The following PLD5 variants were observed in gnomAD, a reference collection of about 807,000 sequenced individuals.
PLD5 encodes inactive phospholipase D5.
In PLD5, 36 loss-of-function variants were observed where a neutral mutation model predicts 61.1. That is an observed-to-expected ratio of 0.59 (90% CI 0.45 to 0.78). The LOEUF is 0.78. Ranked by LOEUF, PLD5 falls within the 30% of genes least tolerant of loss-of-function variation. The pLI, the probability that PLD5 is intolerant of heterozygous loss-of-function variation, is 0.00. For synonymous variants in PLD5, 243 were observed against 242.8 expected (o/e 1.00, Z -0.01); for missense variants, 515 against 644.4 (o/e 0.80, Z 2.17).
intron 1 of PLD5, among the ~76,000 whole-genome samples, chr1:242,481,917 G>A (rs531038879): frequency 6.6e-6 from 1 of 152,280 alleles, no homozygotes; most frequent in African/African-American, 2.4e-5. Context: ...CCACTGTTCT[G>A]CAGCCTCCAC....
intron 4 of PLD5, among the ~76,000 whole-genome samples, chr1:242,232,254 C>T (rs138634082): frequency 6.6e-5 from 10 of 152,078 alleles, no homozygotes; most frequent in African/African-American, 1.7e-4. Context: ...AAATAACATA[C>T]GAAGATTAAC....
intron 6 of PLD5, among the ~76,000 whole-genome samples, chr1:242,114,469 T>A (rs1324566074): frequency 1.3e-5 from 2 of 152,234 alleles, no homozygotes; most frequent in Non-Finnish European, 2.9e-5. Flanking sequence ...AATATATTAT[T>A]GTTAAGTATA....
At chr1:242,397,156 A>G in intron 1 of PLD5, among the ~76,000 whole-genome samples, 1 of 151,926 alleles carries the variant, frequency 6.6e-6, no homozygotes, top group East Asian at 1.9e-4. Context: ...AACCCTGACA[A>G]TTTTGACATT....
chr1:242,344,792 A>G (rs1208970045), intron 2 of PLD5, among the ~76,000 whole-genome samples: 4 of 151,970 alleles, frequency 2.6e-5, no homozygotes, highest in Non-Finnish European at 5.9e-5. Context: ...CCTCTCTGAC[A>G]TCCCCATTTT....
intron 1 of PLD5, among the ~76,000 whole-genome samples, chr1:242,453,157 A>G (rs1666841655): frequency 6.6e-6 from 1 of 152,152 alleles, no homozygotes; most frequent in Admixed American, 6.5e-5. Context: ...AGCCCTCATG[A>G]ACGGGATTAG....
At chr1:242,429,538 C>T (rs1665609002) in intron 1 of PLD5, among the ~76,000 whole-genome samples, 2 of 152,224 alleles carry the variant, frequency 1.3e-5, no homozygotes, top group South Asian at 4.1e-4. Flanking sequence ...TGAGCCACAA[C>T]ACCCGGGCTT....
chr1:242,088,140 A>G lies in PLD5; in HGVS notation c.*1714T>C, dbSNP rs1290190374. On this transcript the variant is annotated 3_prime_UTR_variant, in exon 10 of 10. Transcript: ENST00000536534. Reference sequence around the variant, plus strand: ...ATCAAGTCTCCAGAAATGAAAAAGAATAACTGAGTGTTTCCTTGCTCTGAA... The same window carrying G: ...ATCAAGTCTCCAGAAATGAAAAAGAGTAACTGAGTGTTTCCTTGCTCTGAA... 1 of 152,220 alleles carries G rather than the reference A, an allele frequency of 6.6e-6. No homozygotes were observed. The highest frequency in any genetic ancestry group is 1.5e-5 in the Non-Finnish European group (1 of 68,038). 9.4% of individuals were successfully genotyped at this position (152,220 alleles called of 1,614,324 possible). A position where few individuals can be genotyped will look rare whatever the true frequency, so the allele number is the denominator to read the frequency against.
intron 5 of PLD5, among the ~76,000 whole-genome samples, chr1:242,154,521 A>G (rs77574506): frequency 6.6e-6 from 1 of 152,170 alleles, no homozygotes; most frequent in Non-Finnish European, 1.5e-5. Context: ...CTTTCCGTCA[A>G]TACCCAGTTT....
At chr1:242,489,267 G>T (rs1668062191) in intron 1 of PLD5, among the ~76,000 whole-genome samples, 1 of 152,018 alleles carries the variant, frequency 6.6e-6, no homozygotes. Context: ...GGTGATGGAG[G>T]CATTATATAT....
intron 6 of PLD5, among the ~76,000 whole-genome samples, chr1:242,115,686 T>C (rs1299610465): frequency 6.8e-6 from 1 of 147,898 alleles, no homozygotes. Flanking sequence ...AGTTTTTTTC[T>C]TTTCTCCAAA....
chr1:242,239,094 T>C (rs1671826831), intron 4 of PLD5, among the ~76,000 whole-genome samples: 1 of 152,202 alleles, frequency 6.6e-6, no homozygotes, highest in African/African-American at 2.4e-5. Context: ...CATCTTTCTT[T>C]GTACTGTAGT....
chr1:242,184,002 G>A (rs1401201604), intron 5 of PLD5, among the ~76,000 whole-genome samples: 1 of 152,154 alleles, frequency 6.6e-6, no homozygotes, highest in African/African-American at 2.4e-5. Context: ...CAACTTTGTA[G>A]CTGTTTGAAA....
chr1:242,324,962 C>T (rs1377535502), intron 2 of PLD5, among the ~76,000 whole-genome samples: 21 of 152,174 alleles, frequency 1.4e-4, no homozygotes, highest in Admixed American at 5.2e-4. Flanking sequence ...TTTCAACAAC[C>T]GTAGCCTCTG....
chr1:242,210,920 C>G (rs1284799927), intron 5 of PLD5: 1 of 152,170 alleles, frequency 6.6e-6, no homozygotes, highest in African/African-American at 2.4e-5. Context: ...AGGCCCTTAC[C>G]CTCTTATACT....
chr1:242,520,843 G>T (rs1669257294), intron 1 of PLD5, among the ~76,000 whole-genome samples: 1 of 152,180 alleles, frequency 6.6e-6, no homozygotes, highest in Non-Finnish European at 1.5e-5. Flanking sequence ...AGAGGGTTTG[G>T]AAGTAGTCCC....
At chr1:242,365,923 A>T (rs563482976) in intron 1 of PLD5, 1 of 152,414 alleles carries the variant, frequency 6.6e-6, no homozygotes, top group East Asian at 1.9e-4. Context: ...CCTTATATCA[A>T]TTAAAGTAAA....
intron 5 of PLD5, among the ~76,000 whole-genome samples, chr1:242,171,441 C>A (rs180869654): frequency 1.3e-3 from 197 of 152,128 alleles, no homozygotes; most frequent in African/African-American, 4.2e-3. Flanking sequence ...AAAAACATAC[C>A]AAATTGTAAA....
At chr1:242,325,614 T>A (rs1318946898) in intron 2 of PLD5, among the ~76,000 whole-genome samples, 3 of 152,068 alleles carry the variant, frequency 2.0e-5, no homozygotes, top group South Asian at 2.1e-4. Context: ...TGTTTTTTTT[T>A]AAATTGAATT....
intron 3 of PLD5, among the ~76,000 whole-genome samples, chr1:242,270,083 T>C (rs896787434): frequency 6.6e-6 from 1 of 151,606 alleles, no homozygotes; most frequent in Admixed American, 6.6e-5. Flanking sequence ...CCCAAAGTCA[T>C]GTTAGAGAAA....
Sources: allele counts gnomAD v4.1 joint callset (sites outside exome capture counted in the v4.1 genomes callset), GRCh38; gene constraint gnomAD v4.1.1; transcripts MANE v1.5; gene names NCBI Gene and HGNC (gene_info 2026-07-23, HGNC 2026-07-21).